SPHKAP: variants seen among roughly 807,000 people sequenced by gnomAD.
SPHKAP encodes the protein A-kinase anchor protein SPHKAP.
SPHKAP carries 67 observed loss-of-function variants against 137.5 expected under a neutral mutation model. That is an observed-to-expected ratio of 0.49 (90% confidence interval 0.40 to 0.60). The LOEUF (loss-of-function observed/expected upper bound fraction) is 0.60, where lower values mean the gene tolerates loss of function less well. Among genes scored for constraint, SPHKAP ranks in the 20% least tolerant of loss-of-function variants. The pLI is 0.00. For synonymous variants in SPHKAP, 813 were observed against 785.3 expected (o/e 1.04, Z -0.59); for missense variants, 2,097 against 2,069.3 (o/e 1.01, Z -0.26).
intron 1 of SPHKAP, among the ~76,000 whole-genome samples, chr2:228,166,106 A>T (rs1157284022): frequency 6.6e-6 from 1 of 152,214 alleles, no homozygotes; most frequent in Non-Finnish European, 1.5e-5. Context: ...GGTGCCTCAA[A>T]GAGACAGATC....
At chr2:228,025,786 C>T (rs1242325952) in intron 4 of SPHKAP, 1 of 824,326 alleles carries the variant, frequency 1.2e-6, no homozygotes, top group African/African-American at 1.9e-5. Context: ...ATAAAGTAAA[C>T]ATTATGATAG....
At position 228,150,426 on chromosome 2, in the gene SPHKAP, G is replaced by A. The variant is rs139692712; in HGVS notation, c.33-18341C>T. Reference sequence around the variant, plus strand: ...GGGAGTAGAAATTTTCTGTTAGAAGGTTTTTGATCACAGAATCAAATTAAT... The same window carrying A: ...GGGAGTAGAAATTTTCTGTTAGAAGATTTTTGATCACAGAATCAAATTAAT... On this transcript the variant is annotated intron_variant, in intron 1 of 11. Coordinates refer to ENST00000392056, the MANE Select transcript of SPHKAP (RefSeq NM_001142644.2). Among the ~76,000 whole-genome samples the A allele has an allele frequency of 4.6e-5, 7 of 152,194 alleles. No homozygotes were observed. The East Asian group carries it at 1.3e-3, about 29-fold the overall frequency.
chr2:228,007,050 C>T (rs1364903691), intron 7 of SPHKAP, among the ~76,000 whole-genome samples: 1 of 152,196 alleles, frequency 6.6e-6, no homozygotes, highest in African/African-American at 2.4e-5. Flanking sequence ...GGGAGAACCA[C>T]TACTCTCTTC....
At chr2:228,132,496 T>C in intron 1 of SPHKAP, 1 of 796,650 alleles carries the variant, frequency 1.3e-6, no homozygotes, top group Non-Finnish European at 1.5e-6. Context: ...GGAGGTAAAA[T>C]ATAATTTTAA....
rs534288533 is a variant in SPHKAP at position 228,006,474 on chromosome 2, C to T, written c.4448+9932G>A. Among the ~76,000 whole-genome samples, 3 of 152,268 alleles carry T rather than the reference C, an allele frequency of 2.0e-5. 1 individual carries two copies. In the South Asian group the frequency reaches 6.2e-4, roughly 32 times the overall value. ...TTTTCAAGGTTTTTAACTTCTTTGCCATGGTTTCAAACTTCCTCCTTTAGC... is the reference window on the plus strand; with the variant it reads ...TTTTCAAGGTTTTTAACTTCTTTGCTATGGTTTCAAACTTCCTCCTTTAGC... On this transcript the variant is annotated intron_variant, in intron 7 of 11. Transcript: ENST00000392056.
chr2:228,036,203 C>G (rs1222077888), intron 3 of SPHKAP, among the ~76,000 whole-genome samples: 1 of 150,962 alleles, frequency 6.6e-6, no homozygotes, highest in South Asian at 2.1e-4. Context: ...ACAAACAACC[C>G]CATCAAAAAG....
At chr2:228,163,212 A>G (rs1195650254) in intron 1 of SPHKAP, among the ~76,000 whole-genome samples, 3 of 152,124 alleles carry the variant, frequency 2.0e-5, no homozygotes, top group South Asian at 2.1e-4. Flanking sequence ...ACACAACCCA[A>G]TGTTTTTCTG....
rs770920983 is a variant in SPHKAP, at chr2:228,019,116, T to C, written c.1738A>G (p.Thr580Ala). 1 of 1,613,884 alleles carries C rather than the reference T, an allele frequency of 6.2e-7. No homozygotes were observed. Among genetic ancestry groups the C allele is most frequent in the Non-Finnish European group, 8.5e-7 (1 of 1,180,038 alleles). Residue 580 changes from threonine to alanine, a missense_variant, in exon 7 of 12, where the codon ACA becomes GCA. Coordinates refer to ENST00000392056, the MANE Select transcript of SPHKAP (RefSeq NM_001142644.2). The stretch of plus-strand genomic sequence containing the variant: ...CTACCACTTGGAGCCACTGAGCATG[T>C]CACCTCTTCTCTTTCACCCAGACCA... ...VCGLGEREEV[T>A]CSVAPSGSLP...
intron 3 of SPHKAP, among the ~76,000 whole-genome samples, chr2:228,068,661 C>A (rs1352560384): frequency 1.3e-5 from 2 of 152,098 alleles, no homozygotes; most frequent in Non-Finnish European, 2.9e-5. Context: ...TAAAACTAGA[C>A]CCTTATTTCT....
At position 228,017,101 on chromosome 2, in the gene SPHKAP, C is replaced by T; in HGVS notation, c.3753G>A (p.Val1251=). The change falls in exon 7 of 12, where the codon GTG becomes GTA. Residue 1251 remains valine, a synonymous_variant. Coordinates refer to ENST00000392056, the MANE Select transcript of SPHKAP (RefSeq NM_001142644.2). ...AAGAGTTGGCTTTGATGGGCACATT[C>T]ACTGTCAGCCTGGAGCATGGGGATC... ...DSRSPCSRLT[V]NVPIKANSLD... The T allele has an allele frequency of 1.2e-6, 2 of 1,614,076 alleles. No individual in the cohort carries two copies. Among genetic ancestry groups the T allele is most frequent in the Non-Finnish European group, 1.7e-6 (2 of 1,180,020 alleles).
intron 1 of SPHKAP, among the ~76,000 whole-genome samples, chr2:228,133,932 A>C (rs1699347686): frequency 6.6e-6 from 1 of 152,174 alleles, no homozygotes; most frequent in African/African-American, 2.4e-5. Context: ...TTTTTTATAT[A>C]TTACTTTTTG....
chr2:228,044,387 A>G (rs1368680088), intron 3 of SPHKAP, among the ~76,000 whole-genome samples: 3 of 152,208 alleles, frequency 2.0e-5, no homozygotes, highest in Non-Finnish European at 4.4e-5. Context: ...ATCTATATTA[A>G]TAAAAGACAT....
rs560655129 is a variant in SPHKAP at position 228,162,287 on chromosome 2, C to A, written c.32+19280G>T. On this transcript the variant is annotated intron_variant, in intron 1 of 11. Transcript: ENST00000392056. ...TTCCTGCCTTTTTATATCTGCATTT[C>A]AGAATCAAAAGAGCTAAATTAGAGA... Among the ~76,000 whole-genome samples, 154 of 152,232 alleles carry A rather than the reference C, an allele frequency of 1.0e-3. 7 individuals are homozygous for A. Among genetic ancestry groups the A allele is most frequent in the Non-Finnish European group, 7.6e-4 (52 of 68,022 alleles).
intron 7 of SPHKAP, among the ~76,000 whole-genome samples, chr2:228,008,651 A>G (rs1694236260): frequency 6.8e-6 from 1 of 146,924 alleles, no homozygotes; most frequent in African/African-American, 2.5e-5. Context: ...CATTCGTGTT[A>G]TTTTTTCAAA....
At chr2:228,099,785 G>A (rs993615240) in intron 3 of SPHKAP, among the ~76,000 whole-genome samples, 1 of 151,616 alleles carries the variant, frequency 6.6e-6, no homozygotes, top group African/African-American at 2.4e-5. Flanking sequence ...GTGTTTGTGT[G>A]TGTGTGTTGT....
At chr2:228,144,919 G>C (rs983438682) in intron 1 of SPHKAP, among the ~76,000 whole-genome samples, 3 of 152,172 alleles carry the variant, frequency 2.0e-5, no homozygotes, top group African/African-American at 7.2e-5. Flanking sequence ...TAAAGCCAAA[G>C]ATAACATCCC....
In SPHKAP at chr2:228,018,176, C is replaced by T. The variant is rs137871355; in HGVS notation, c.2678G>A (p.Arg893His). ...CAGGTTGACTTGAACTTCGTTGATG[C>T]GAGATGTGGCACAGTTGTACTTTTC... ...TQEKYNCATS[R>H]INEVQVNLSL... Residue 893 changes from arginine (R) to histidine (H), a missense_variant, in exon 7 of 12, where the codon CGC becomes CAC. By Grantham distance (29) the Arg-to-His change is conservative. Coordinates refer to ENST00000392056, the MANE Select transcript of SPHKAP (RefSeq NM_001142644.2). 254 of 1,614,122 alleles carry T rather than the reference C, an allele frequency of 1.6e-4. No individual in the cohort carries two copies. The African/African-American group carries it at 2.8e-3, about 18-fold the overall frequency.
intron 5 of SPHKAP, chr2:228,022,210 A>C: frequency 5.1e-6 from 5 of 985,376 alleles, no homozygotes; most frequent in Non-Finnish European, 4.8e-6. Context: ...CACATATTTT[A>C]ATTTCCCTTG....
intron 9 of SPHKAP, among the ~76,000 whole-genome samples, chr2:227,993,278 G>C (rs1693487257): frequency 6.6e-6 from 1 of 152,168 alleles, no homozygotes; most frequent in African/African-American, 2.4e-5. Context: ...TAGGTAAAAT[G>C]ACATACACTT....
Sources: gnomAD v4.1 joint callset for allele counts (sites outside exome capture counted in the v4.1 genomes callset) on GRCh38, gnomAD v4.1.1 for gene constraint, MANE v1.5 for transcripts, NCBI Gene and HGNC (gene_info 2026-07-23, HGNC 2026-07-21) for gene names.